SLC4A10: variants seen among roughly 807,000 people sequenced by gnomAD.
SLC4A10 encodes sodium-driven chloride bicarbonate exchanger.
In SLC4A10, 42 loss-of-function variants were observed where a neutral mutation model predicts 137.7. That is an observed-to-expected ratio of 0.30 (90% confidence interval 0.24 to 0.39). SLC4A10 has a LOEUF of 0.39. Among genes scored for constraint, SLC4A10 ranks in the 10% least tolerant of loss-of-function variants. The pLI is 1.00. For missense variants in SLC4A10, 925 were observed against 1,355.0 expected, an observed-to-expected ratio of 0.68 and a Z score of 4.98; for synonymous variants, 474 against 464.1, an observed-to-expected ratio of 1.02 and a Z score of -0.27.
chr2:161,725,916 A>G (rs1343539351), intron 1 of SLC4A10, among the ~76,000 whole-genome samples: 6 of 152,216 alleles, frequency 3.9e-5, no homozygotes, highest in Admixed American at 6.5e-5. Flanking sequence ...TTCTGGCATA[A>G]TATTTACCAT....
rs1698388757 is a variant in SLC4A10 at position 161,970,803 on chromosome 2, T to C, written c.3160-3446T>C. ...ATTGTAATGCTATCACTAAATACAA[T>C]TCAAACTCATGATGTAATTCGATAT... On this transcript the variant is annotated intron_variant, in intron 23 of 26. Coordinates refer to ENST00000446997, the MANE Select transcript of SLC4A10 (RefSeq NM_001178015.2). Among the ~76,000 whole-genome samples, 7 of 152,376 alleles carry C rather than the reference T, an allele frequency of 4.6e-5. No individual in the cohort carries two copies. In the South Asian group the frequency reaches 1.4e-3, roughly 32 times the overall value.
chr2:161,948,962 G>GACAGTGATACAT (rs1196598114), intron 17 of SLC4A10, among the ~76,000 whole-genome samples, 186 bp from the exon 18 acceptor site: 1 of 151,952 alleles, frequency 6.6e-6, no homozygotes, highest in African/African-American at 2.4e-5. Flanking sequence ...CAATCTTAAC[G>GACAGTGATACAT]ACAGTGATAC....
chr2:161,639,572 TC>T (rs1423202847), intron 1 of SLC4A10, among the ~76,000 whole-genome samples: 5 of 152,166 alleles, frequency 3.3e-5, no homozygotes, highest in South Asian at 2.1e-4. Context: ...AAATTTAATA[TC>T]CCTTTGTGAT....
At chr2:161,661,190 G>A (rs191113053) in intron 1 of SLC4A10, among the ~76,000 whole-genome samples, 1 of 152,138 alleles carries the variant, frequency 6.6e-6, no homozygotes, top group Non-Finnish European at 1.5e-5. Context: ...CAAGAATAAT[G>A]TTGGCCAGTC....
intron 1 of SLC4A10, among the ~76,000 whole-genome samples, chr2:161,763,874 G>T (rs1023147996): frequency 6.6e-6 from 1 of 152,104 alleles, no homozygotes; most frequent in African/African-American, 2.4e-5. Context: ...TAAAAAGGCA[G>T]AAATGGTGGT....
chr2:161,729,546 A>G (rs1461899863), intron 1 of SLC4A10, among the ~76,000 whole-genome samples: 1 of 152,198 alleles, frequency 6.6e-6, no homozygotes, highest in African/African-American at 2.4e-5. Flanking sequence ...AGAAGATCAT[A>G]CAATTTGTAA....
At chr2:161,720,827 T>G (rs1428689391) in intron 1 of SLC4A10, among the ~76,000 whole-genome samples, 1 of 150,480 alleles carries the variant, frequency 6.6e-6, no homozygotes, top group Non-Finnish European at 1.5e-5. Flanking sequence ...CTTGACTCTT[T>G]TTTTTTTTTC....
Position 161,943,270 on chromosome 2 carries a change from T to G in SLC4A10, c.2103+373T>G, listed in dbSNP as rs376606587. 9.9e-5 allele frequency among the ~76,000 whole-genome samples: 15 copies of G among 152,236 alleles called. No individual in the cohort carries two copies. The East Asian group carries it at 2.3e-3, about 23-fold the overall frequency. Reference sequence around the variant, plus strand: ...TACTCTGTAATGCTGCTCCAGCTGTTCCGGATCTGCTGGGGGGAAAGGGAT... The same window carrying G: ...TACTCTGTAATGCTGCTCCAGCTGTGCCGGATCTGCTGGGGGGAAAGGGAT... On this transcript the variant is annotated intron_variant, in intron 16 of 26. Transcript: ENST00000446997.
intron 1 of SLC4A10, among the ~76,000 whole-genome samples, chr2:161,705,651 T>C (rs1165340202): frequency 6.6e-6 from 1 of 151,616 alleles, no homozygotes; most frequent in Non-Finnish European, 1.5e-5. Flanking sequence ...ACCTCATAAA[T>C]TGAATTAGTG....
chr2:161,827,406 A>G (rs910404830), intron 3 of SLC4A10, among the ~76,000 whole-genome samples: 1 of 152,160 alleles, frequency 6.6e-6, no homozygotes, highest in South Asian at 2.1e-4. Flanking sequence ...CACCCAACCT[A>G]CAATGCTGGC....
intron 1 of SLC4A10, among the ~76,000 whole-genome samples, chr2:161,745,914 T>G (rs1451954007): frequency 6.6e-6 from 1 of 152,132 alleles, no homozygotes; most frequent in Non-Finnish European, 1.5e-5. Flanking sequence ...CTTCCCTTAC[T>G]TTCCCACAAA....
chr2:161,798,117 C>T (rs565937752), intron 2 of SLC4A10, among the ~76,000 whole-genome samples: 1 of 152,048 alleles, frequency 6.6e-6, no homozygotes, highest in South Asian at 2.1e-4. Context: ...TGTTACTCTC[C>T]CTTAGCAGAA....
chr2:161,729,460 G>A (rs767155654), intron 1 of SLC4A10, among the ~76,000 whole-genome samples: 3 of 152,042 alleles, frequency 2.0e-5, no homozygotes, highest in Non-Finnish European at 4.4e-5. Context: ...GATTGTGATG[G>A]TGATTATAGG....
At chr2:161,878,196 C>T (rs2061551300) in intron 8 of SLC4A10, among the ~76,000 whole-genome samples, 1 of 152,196 alleles carries the variant, frequency 6.6e-6, no homozygotes, top group East Asian at 1.9e-4. Flanking sequence ...CTTTGGCCCT[C>T]ATTTCATTAA....
intron 2 of SLC4A10, among the ~76,000 whole-genome samples, chr2:161,796,934 C>T (rs1396991783): frequency 6.6e-6 from 1 of 151,802 alleles, no homozygotes; most frequent in East Asian, 1.9e-4. Context: ...TTTTTTTGTT[C>T]ATCTCCTAAC....
chr2:161,821,634 C>T (rs1017412225), intron 3 of SLC4A10, among the ~76,000 whole-genome samples: 2 of 152,086 alleles, frequency 1.3e-5, no homozygotes, highest in Non-Finnish European at 2.9e-5. Context: ...ATAAAAATAA[C>T]AATTTTTAAC....
intron 2 of SLC4A10, among the ~76,000 whole-genome samples, chr2:161,774,316 T>A (rs1323681358): frequency 6.6e-6 from 1 of 151,954 alleles, no homozygotes; most frequent in East Asian, 1.9e-4. Flanking sequence ...AAACATAAGA[T>A]GCCCAGATAA....
intron 15 of SLC4A10, among the ~76,000 whole-genome samples, chr2:161,920,284 T>C (rs987098020): frequency 6.6e-6 from 1 of 152,124 alleles, no homozygotes; most frequent in Admixed American, 6.5e-5. Context: ...GGGGACCTCA[T>C]GACAGTAATA....
chr2:161,854,575 C>A (rs2059998485), intron 4 of SLC4A10, among the ~76,000 whole-genome samples: 1 of 152,122 alleles, frequency 6.6e-6, no homozygotes, highest in African/African-American at 2.4e-5. Flanking sequence ...AGGTTTAAGA[C>A]CTCCCACTAA....
Sources: gnomAD v4.1 joint callset for allele counts (sites outside exome capture counted in the v4.1 genomes callset) on GRCh38, gnomAD v4.1.1 for gene constraint, MANE v1.5 for transcripts, NCBI Gene and HGNC (gene_info 2026-07-23, HGNC 2026-07-21) for gene names.